The following SAMD5 variants were observed in gnomAD, a reference collection of about 807,000 sequenced individuals.
The protein encoded by SAMD5 is sterile alpha motif domain containing 5.
Under a neutral mutation model 11.3 loss-of-function variants are expected in SAMD5, and 13 were observed. The ratio of observed to expected loss-of-function variants is 1.15; its 90% CI spans 0.75 to 1.83. The LOEUF (loss-of-function observed/expected upper bound fraction) is 1.83. Among genes scored for constraint, SAMD5 ranks in the 40% most tolerant of loss-of-function variants. The pLI, the probability that SAMD5 is intolerant of heterozygous loss-of-function variation, is 0.00. For synonymous variants in SAMD5, 129 were observed against 111.3 expected, an observed-to-expected ratio of 1.16 and a Z score of -1.00; for missense variants, 255 against 239.1, an observed-to-expected ratio of 1.07 and a Z score of -0.44.
downstream of SAMD5, among the ~76,000 whole-genome samples, chr6:147,571,428 A>G (rs1789137261): frequency 6.6e-6 from 1 of 151,930 alleles, no homozygotes; most frequent in Non-Finnish European, 1.5e-5. Flanking sequence ...TTTTTTTTTA[A>G]TTTAAAAGAG....
intron 1 of SAMD5, among the ~76,000 whole-genome samples, chr6:147,695,729 G>A (rs1307197613): frequency 6.6e-6 from 1 of 152,140 alleles, no homozygotes; most frequent in African/African-American, 2.4e-5. Flanking sequence ...TTTAAAGCTA[G>A]TAAACTCTCC....
the SAMD5 span, among the ~76,000 whole-genome samples, chr6:147,833,478 T>C: frequency 6.6e-6 from 1 of 152,214 alleles, no homozygotes; most frequent in South Asian, 2.1e-4. Flanking sequence ...ACTGTGTTTA[T>C]GGAAAGGTAT....
At chr6:147,596,438 A>G (rs959924218) in intron 1 of SAMD5, among the ~76,000 whole-genome samples, 21 of 152,228 alleles carry the variant, frequency 1.4e-4, no homozygotes, top group African/African-American at 1.2e-4. Context: ...GGTTATGGCC[A>G]TAATTGCTAC....
chr6:147,670,782 G>C (rs1327557809), intron 1 of SAMD5, among the ~76,000 whole-genome samples: 1 of 152,166 alleles, frequency 6.6e-6, no homozygotes, highest in Non-Finnish European at 1.5e-5. Context: ...CTTTTATCTA[G>C]ACTATTAAGT....
chr6:147,644,918 G>A (rs930429085), intron 1 of SAMD5, among the ~76,000 whole-genome samples: 3 of 152,176 alleles, frequency 2.0e-5, no homozygotes, highest in Non-Finnish European at 2.9e-5. Flanking sequence ...GTTCACTAGG[G>A]ACGCTGAATT....
At chr6:147,851,268 G>A in the SAMD5 span, among the ~76,000 whole-genome samples, 2 of 152,058 alleles carry the variant, frequency 1.3e-5, no homozygotes, top group African/African-American at 4.8e-5. Flanking sequence ...TATAATGAGT[G>A]CTGTTAATTT....
chr6:147,539,936 A>G (rs1212506019), intron 1 of SAMD5, among the ~76,000 whole-genome samples: 1 of 152,154 alleles, frequency 6.6e-6, no homozygotes, highest in African/African-American at 2.4e-5. Context: ...TTGGCTTTTG[A>G]ATTTTACCAC....
intron 1 of SAMD5, among the ~76,000 whole-genome samples, chr6:147,681,236 A>G (rs1247600387): frequency 2.6e-5 from 4 of 152,096 alleles, no homozygotes; most frequent in Non-Finnish European, 4.4e-5. Context: ...AAAAAAATCA[A>G]TTTTTGTCTC....
chr6:147,754,923 T>A, the SAMD5 span, among the ~76,000 whole-genome samples: 1 of 152,148 alleles, frequency 6.6e-6, no homozygotes, highest in Non-Finnish European at 1.5e-5. Context: ...GGTCTATGTG[T>A]CTATTTTTAT....
chr6:147,865,317 T>A, the SAMD5 span, among the ~76,000 whole-genome samples: 115 of 1,066 alleles, frequency 0.11, no homozygotes, highest in Middle Eastern at 0.25. Context: ...TATATAAGTG[T>A]GTGTGTGTGT....
At chr6:147,544,299 A>G (rs1233731559) in intron 1 of SAMD5, among the ~76,000 whole-genome samples, 1 of 152,222 alleles carries the variant, frequency 6.6e-6, no homozygotes, top group East Asian at 1.9e-4. Context: ...CCACATAACC[A>G]ATCATTCTTC....
chr6:147,646,420 A>T (rs972897279), intron 1 of SAMD5, among the ~76,000 whole-genome samples: 6 of 149,994 alleles, frequency 4.0e-5, no homozygotes, highest in Admixed American at 3.4e-4. Context: ...GTTTCCACTT[A>T]TGTTTATTGG....
the SAMD5 span, among the ~76,000 whole-genome samples, chr6:147,838,223 G>C: frequency 6.6e-6 from 1 of 152,062 alleles, no homozygotes; most frequent in African/African-American, 2.4e-5. Context: ...TCAAAACTAT[G>C]GAACTGTTGA....
the SAMD5 span, among the ~76,000 whole-genome samples, chr6:147,823,466 T>C: frequency 5.3e-5 from 8 of 152,298 alleles, no homozygotes; most frequent in South Asian, 1.7e-3. Flanking sequence ...AAAAATATAA[T>C]TGCAACTCTT....
intron 1 of SAMD5, among the ~76,000 whole-genome samples, chr6:147,634,100 G>C (rs576183581): frequency 2.6e-5 from 4 of 152,188 alleles, no homozygotes; most frequent in Middle Eastern, 6.8e-3. Flanking sequence ...TTTTGTGTCT[G>C]CTTTATTTCA....
intron 1 of SAMD5, among the ~76,000 whole-genome samples, chr6:147,672,163 G>A (rs1043702886): frequency 1.4e-4 from 21 of 151,790 alleles, no homozygotes; most frequent in African/African-American, 4.8e-4. Flanking sequence ...CTTAATGCTA[G>A]TATTTTATAC....
intron 1 of SAMD5, among the ~76,000 whole-genome samples, chr6:147,695,776 G>A (rs1053278523): frequency 2.0e-5 from 3 of 152,050 alleles, no homozygotes; most frequent in African/African-American, 7.2e-5. Flanking sequence ...ATGAGTAAAG[G>A]GCACAGCAGA....
chr6:147,733,996 C>G (rs1353522646), intron 1 of SAMD5, among the ~76,000 whole-genome samples: 5 of 152,106 alleles, frequency 3.3e-5, no homozygotes, highest in Admixed American at 2.6e-4. Flanking sequence ...AAAAATTAGG[C>G]CTTTCCATTT....
chr6:147,908,326 G>A, the SAMD5 span, among the ~76,000 whole-genome samples: 1 of 152,170 alleles, frequency 6.6e-6, no homozygotes. Flanking sequence ...GAATCCAACG[G>A]AACAGGAATG....
Sources: gnomAD v4.1 joint callset for allele counts (sites outside exome capture counted in the v4.1 genomes callset) on GRCh38, gnomAD v4.1.1 for gene constraint, MANE v1.5 for transcripts, NCBI Gene and HGNC (gene_info 2026-07-23, HGNC 2026-07-21) for gene names.